Variants in REEP3 observed in about 807,000 individuals in gnomAD.
REEP3 encodes receptor accessory protein 3, also known as receptor expression-enhancing protein 3.
REEP3 carries 20 observed loss-of-function variants against 41.3 expected under a neutral mutation model. That is an observed-to-expected ratio of 0.48 (90% CI 0.34 to 0.70). The LOEUF is 0.70. Among genes scored for constraint, REEP3 ranks in the 30% least tolerant of loss-of-function variants. REEP3 has a pLI of 0.01. For missense variants in REEP3, 271 were observed against 308.8 expected, an observed-to-expected ratio of 0.88 and a Z score of 0.92; for synonymous variants, 104 against 101.8, an observed-to-expected ratio of 1.02 and a Z score of -0.13.
At chr10:63,524,938 G>A (rs537908516) in intron 1 of REEP3, among the ~76,000 whole-genome samples, 23 of 151,850 alleles carry the variant, frequency 1.5e-4, no homozygotes, top group Non-Finnish European at 2.6e-4. Flanking sequence ...CTTGAACCCT[G>A]GAGGCAAAGG....
At chr10:63,579,048 G>T (rs1484819002) in intron 2 of REEP3, among the ~76,000 whole-genome samples, 1 of 148,452 alleles carries the variant, frequency 6.7e-6, no homozygotes, top group African/African-American at 2.5e-5. Context: ...TTTTGGGGGG[G>T]GGGAGATGGA....
chr10:63,560,906 T>C (rs1238897811), intron 1 of REEP3, among the ~76,000 whole-genome samples: 1 of 152,208 alleles, frequency 6.6e-6, no homozygotes, highest in Non-Finnish European at 1.5e-5. Context: ...ATATTACAGT[T>C]ATTAATAATA....
At chr10:63,541,648 G>A (rs1272797115) in intron 1 of REEP3, among the ~76,000 whole-genome samples, 2 of 147,170 alleles carry the variant, frequency 1.4e-5, no homozygotes, top group African/African-American at 5.0e-5. Context: ...TTTTTTTTTT[G>A]AAGGTTAATA....
chr10:63,573,173 A>G (rs1955868520), intron 2 of REEP3, among the ~76,000 whole-genome samples: 1 of 152,212 alleles, frequency 6.6e-6, no homozygotes, highest in Admixed American at 6.5e-5. Flanking sequence ...TCAAATCAAA[A>G]CAAATGGAAA....
At chr10:63,599,622 T>C in intron 5 of REEP3, 1 of 869,350 alleles carries the variant, frequency 1.2e-6, no homozygotes, top group Non-Finnish European at 1.4e-6. Flanking sequence ...TTGGTGTTCT[T>C]TCTCTCTCTT....
chr10:63,598,220 C>G, intron 4 of REEP3, 76 bp downstream of exon 4: 2 of 1,055,726 alleles, frequency 1.9e-6, no homozygotes, highest in South Asian at 1.6e-5. Context: ...TGGCTCACAC[C>G]TGTAATCCCA....
intron 2 of REEP3, among the ~76,000 whole-genome samples, chr10:63,587,541 C>A (rs572314086): frequency 2.0e-5 from 3 of 152,338 alleles, no homozygotes; most frequent in Admixed American, 2.0e-4. Flanking sequence ...AATGCAATGA[C>A]TGAAGAACTA....
chr10:63,593,080 G>A (rs542443672), intron 2 of REEP3, among the ~76,000 whole-genome samples: 7 of 152,354 alleles, frequency 4.6e-5, no homozygotes, highest in East Asian at 1.9e-4. Context: ...TCGGGAGGCC[G>A]AGGCGGGTAT....
rs779659595 is a variant in REEP3, at chr10:63,610,302, A to G, written c.533A>G (p.Lys178Arg). The change falls in exon 6 of 8, where the codon AAG (lysine) becomes AGG (arginine). Residue 178 changes from lysine (K) to arginine (R), a missense_variant. Physicochemically the swap from Lys to Arg is conservative, Grantham distance 26. Coordinates refer to ENST00000373758, the MANE Select transcript of REEP3 (RefSeq NM_001001330.3). ...RPYQPLPEAK[K>R]KSKPAPSESA... ...TACCAACCTCTACCAGAAGCAAAAA[A>G]GAAAAGTAAACCAGCCCCCAGTGAA... The G allele has an allele frequency of 1.0e-5, 16 of 1,564,226 alleles. No individual in the cohort carries two copies. The Admixed American group carries it at 2.3e-4, about 23-fold the overall frequency.
chr10:63,568,684 T>C (rs1589870445), intron 2 of REEP3, among the ~76,000 whole-genome samples: 1 of 141,008 alleles, frequency 7.1e-6, no homozygotes, highest in East Asian at 2.0e-4. Context: ...AGACAGGGTC[T>C]TGCTGTTATC....
intron 2 of REEP3, among the ~76,000 whole-genome samples, chr10:63,573,066 A>T (rs1955866999): frequency 6.6e-6 from 1 of 152,212 alleles, no homozygotes; most frequent in Non-Finnish European, 1.5e-5. Flanking sequence ...CAGAAAGCAA[A>T]CATTTTCGGT....
At chr10:63,613,021 T>C (rs1361546936) in intron 6 of REEP3, among the ~76,000 whole-genome samples, 7 of 152,112 alleles carry the variant, frequency 4.6e-5, no homozygotes, top group Non-Finnish European at 7.4e-5. Flanking sequence ...AATTTTTTTT[T>C]TTCTTTTTGA....
In REEP3 at chr10:63,624,282, T is replaced by G. The variant is rs1317146539; in HGVS notation, c.*3413T>G. The G allele has an allele frequency of 6.6e-6, 1 of 152,124 alleles. No individual in the cohort carries two copies. Among genetic ancestry groups the G allele is most frequent in the East Asian group, 1.9e-4 (1 of 5,198 alleles). The allele number at this position is 152,124 out of a possible 1,614,324, so 9.4% of individuals were successfully genotyped here. ...TTAGTAAATATCACTTAAGATTAAA[T>G]TTTTCAGAAAGAAAATTATAGCTTT... On this transcript the variant is annotated 3_prime_UTR_variant, in exon 8 of 8. Transcript: ENST00000373758.
At chr10:63,530,591 G>C (rs961458990) in intron 1 of REEP3, among the ~76,000 whole-genome samples, 2 of 152,150 alleles carry the variant, frequency 1.3e-5, no homozygotes, top group Admixed American at 1.3e-4. Context: ...CACTGCATGG[G>C]CTAGAACTTC....
chr10:63,567,176 A>C (rs1457677966), intron 2 of REEP3, among the ~76,000 whole-genome samples: 17 of 152,198 alleles, frequency 1.1e-4, no homozygotes, highest in Non-Finnish European at 4.4e-5. Flanking sequence ...AGATAACAGC[A>C]CATCAATAAC....
chr10:63,581,723 A>G (rs1955955820), intron 2 of REEP3, among the ~76,000 whole-genome samples: 1 of 151,434 alleles, frequency 6.6e-6, no homozygotes, highest in Non-Finnish European at 1.5e-5. Flanking sequence ...AGCCTGGGTG[A>G]CAGAGCAAGA....
At chr10:63,617,812 CTTTTTTTT>C (rs60910642) in intron 6 of REEP3, among the ~76,000 whole-genome samples, 3 of 83,550 alleles carry the variant, frequency 3.6e-5, no homozygotes, top group African/African-American at 8.8e-5. Flanking sequence ...TCCTTCTACT[CTTTTTTTT>C]TTTTTTTTTT....
At chr10:63,611,452 T>C (rs1389865476) in intron 6 of REEP3, among the ~76,000 whole-genome samples, 4 of 152,230 alleles carry the variant, frequency 2.6e-5, no homozygotes, top group Non-Finnish European at 5.9e-5. Flanking sequence ...GTATAAATTA[T>C]GAACATGTCA....
chr10:63,573,609 A>G (rs1200859486), intron 2 of REEP3, among the ~76,000 whole-genome samples: 2 of 152,190 alleles, frequency 1.3e-5, no homozygotes. Flanking sequence ...GCCCTCTAAA[A>G]GTCTGCTGAC....
Sources: allele counts gnomAD v4.1 joint callset (sites outside exome capture counted in the v4.1 genomes callset), GRCh38; gene constraint gnomAD v4.1.1; transcripts MANE v1.5; gene names NCBI Gene and HGNC (gene_info 2026-07-23, HGNC 2026-07-21).